NADK2: variants seen among roughly 807,000 people sequenced by gnomAD.
NADK2 encodes the protein NAD kinase 2, mitochondrial, also known as NAD kinase domain-containing protein 1, mitochondrial.
In NADK2, 35 loss-of-function variants were observed where a neutral mutation model predicts 62.1. The ratio of observed to expected loss-of-function variants is 0.56; its 90% CI spans 0.43 to 0.75. NADK2 has a LOEUF of 0.75. NADK2 is among the 30% of genes least tolerant of loss of function. The pLI is 0.00. For synonymous variants in NADK2, 205 were observed against 207.9 expected, an observed-to-expected ratio of 0.99 and a Z score of 0.12; for missense variants, 439 against 561.3, an observed-to-expected ratio of 0.78 and a Z score of 2.20.
In NADK2 at chr5:36,197,510, A is replaced by G. The variant is rs199882697; in HGVS notation, c.1190+31T>C. ...GCTTTGTAACAATGAAAGGGATGAA[A>G]ACAGTCAGAAGTCAGATTGAGGATG... is the stretch of plus-strand genomic sequence containing the variant. On this transcript the variant is annotated intron_variant, in intron 11 of 11. Coordinates refer to ENST00000381937, the MANE Select transcript of NADK2 (RefSeq NM_001085411.3). 7.0e-5 allele frequency: 113 copies of G among 1,611,524 alleles called. No individual in the cohort carries two copies. The East Asian group carries it at 2.5e-3, about 35-fold the overall frequency.
intron 6 of NADK2, among the ~76,000 whole-genome samples, chr5:36,214,405 C>G (rs926666186): frequency 6.6e-6 from 1 of 152,186 alleles, no homozygotes; most frequent in Non-Finnish European, 1.5e-5. Context: ...GTCTCAAACT[C>G]CTGACCTCAG....
chr5:36,227,986 T>C (rs1747546883), intron 1 of NADK2, among the ~76,000 whole-genome samples: 2 of 152,068 alleles, frequency 1.3e-5, no homozygotes, highest in South Asian at 4.2e-4. Flanking sequence ...TTTAACACAC[T>C]GCATATGGCT....
intron 1 of NADK2, among the ~76,000 whole-genome samples, chr5:36,240,746 T>C (rs377630898): frequency 1.3e-5 from 2 of 152,218 alleles, no homozygotes; most frequent in Non-Finnish European, 1.5e-5. Context: ...ATTGTGGAGA[T>C]ACTGCTGCAC....
intron 2 of NADK2, 50 bp downstream of exon 2, chr5:36,227,427 G>A: frequency 1.1e-6 from 1 of 881,536 alleles, no homozygotes; most frequent in East Asian, 3.3e-5. Context: ...AATAAAAACT[G>A]GAAGTCCTGA....
At chr5:36,233,688 A>C (rs552581212) in intron 1 of NADK2, among the ~76,000 whole-genome samples, 2 of 152,234 alleles carry the variant, frequency 1.3e-5, no homozygotes, top group South Asian at 4.2e-4. Flanking sequence ...TGTTTTTATA[A>C]AACATACAAG....
chr5:36,228,877 T>C (rs10051604), intron 1 of NADK2, among the ~76,000 whole-genome samples: 141,608 of 151,582 alleles, frequency 0.93, 66,557 homozygotes, highest in Non-Finnish European at 0.98. Context: ...CCACACACCT[T>C]GCTTCCAAAA....
chr5:36,241,853 T>C lies in NADK2; in HGVS notation c.-55A>G, dbSNP rs74717771. The stretch of plus-strand genomic sequence containing the variant: ...GCTCGGGCCCCTTGCCTCAGCTCCC[T>C]ACCGCCGGGAGTGCGCGCCGTCCGC... On this transcript the variant is annotated 5_prime_UTR_variant, in exon 1 of 12. Transcript: ENST00000381937. The surrounding 1 kb of genome is among the most constrained non-coding windows in gnomAD (Gnocchi z 4.9). 0.41 allele frequency: 495,076 copies of C among 1,204,700 alleles called. 104,410 individuals are homozygous for C. Among genetic ancestry groups the C allele is most frequent in the South Asian group, 0.67 (25,679 of 38,144 alleles). 74.6% of individuals were successfully genotyped at this position (1,204,700 alleles called of 1,614,324 possible). A position where few individuals can be genotyped will look rare whatever the true frequency, so the allele number is the denominator to read the frequency against.
chr5:36,200,081 T>G (rs562895104), intron 10 of NADK2, 146 bp downstream of exon 10: 1 of 410,898 alleles, frequency 2.4e-6, no homozygotes, highest in South Asian at 8.2e-5. Flanking sequence ...ATCTTTATGT[T>G]GCTTAAAGAC....
chr5:36,206,039 A>C (rs1746621915), intron 8 of NADK2, among the ~76,000 whole-genome samples: 1 of 152,074 alleles, frequency 6.6e-6, no homozygotes, highest in Non-Finnish European at 1.5e-5. Context: ...AAAATATCTC[A>C]AGGACAGAAA....
chr5:36,236,043 G>C (rs1747897078), intron 1 of NADK2, among the ~76,000 whole-genome samples: 1 of 151,904 alleles, frequency 6.6e-6, no homozygotes. Flanking sequence ...GTTGAGAAGA[G>C]ATTAATGTGC....
At chr5:36,200,993 A>C (rs192246662) in intron 9 of NADK2, 113 bp downstream of exon 9, 134 of 783,192 alleles carry the variant, frequency 1.7e-4, no homozygotes, top group Non-Finnish European at 2.6e-4. Flanking sequence ...AAAGAAATTA[A>C]TGCATAGTAT....
At chr5:36,208,927 A>G (rs1399307911) in intron 7 of NADK2, among the ~76,000 whole-genome samples, 2 of 152,052 alleles carry the variant, frequency 1.3e-5, no homozygotes, top group African/African-American at 2.4e-5. Flanking sequence ...TAGTTATTTG[A>G]ACTCTCCAAA....
chr5:36,199,097 T>C (rs1746345185), intron 10 of NADK2, among the ~76,000 whole-genome samples: 1 of 151,878 alleles, frequency 6.6e-6, no homozygotes, highest in Non-Finnish European at 1.5e-5. Flanking sequence ...ATATACCTAA[T>C]GCTAAATGAC....
At chr5:36,224,568 A>AAG (rs1554009966) in intron 4 of NADK2, among the ~76,000 whole-genome samples, 3 of 151,922 alleles carry the variant, frequency 2.0e-5, no homozygotes, top group East Asian at 3.9e-4. Flanking sequence ...AAAAAAAAAA[A>AAG]AAAGAAAGAA....
chr5:36,236,958 G>C (rs555442144), intron 1 of NADK2, among the ~76,000 whole-genome samples: 1 of 151,118 alleles, frequency 6.6e-6, no homozygotes, highest in Admixed American at 6.6e-5. Flanking sequence ...TAGACACTGA[G>C]AGATGCAAAT....
chr5:36,197,815 A>G (rs571144319), intron 10 of NADK2, 151 bp from the exon 11 acceptor site: 9 of 568,718 alleles, frequency 1.6e-5, no homozygotes, highest in East Asian at 3.2e-5. Context: ...ATATTCCATT[A>G]AAACACAGTA....
Position 36,209,381 on chromosome 5 carries a change from C to A in NADK2, c.861-2116G>T, listed in dbSNP as rs77369295. 0.012 allele frequency among the ~76,000 whole-genome samples: 1,850 copies of A among 152,136 alleles called. 154 individuals are homozygous for A. In the East Asian group the frequency reaches 0.21, roughly 17 times the overall value. On this transcript the variant is annotated intron_variant, in intron 7 of 11. Transcript: ENST00000381937. Reference sequence around the variant, plus strand: ...AAGTTATTTAATTTTTTAGTAAGTACAAAATTATAAAGCAAAGCTAGCTCT... The same window carrying A: ...AAGTTATTTAATTTTTTAGTAAGTAAAAAATTATAAAGCAAAGCTAGCTCT...
intron 1 of NADK2, among the ~76,000 whole-genome samples, chr5:36,239,279 A>C (rs1748021231): frequency 6.6e-6 from 1 of 152,240 alleles, no homozygotes; most frequent in Non-Finnish European, 1.5e-5. Flanking sequence ...ACAGCTTCAC[A>C]CAGCCCAGTA....
Position 36,219,680 on chromosome 5 carries a change from C to A in NADK2, c.561-1G>T. The A allele has an allele frequency of 6.2e-7, 1 of 1,611,194 alleles. No homozygotes were observed. On this transcript the variant is annotated splice_acceptor_variant, in intron 4 of 11. Coordinates refer to ENST00000381937, the MANE Select transcript of NADK2 (RefSeq NM_001085411.3). LOFTEE classifies it high-confidence loss of function. ...GGGCAGGCATAAATGACCCTCAGACCTATATTTTAACAGGAATTTTTTGGT... is the reference window on the plus strand; with the variant it reads ...GGGCAGGCATAAATGACCCTCAGACATATATTTTAACAGGAATTTTTTGGT...
Sources: gnomAD v4.1 joint callset for allele counts (sites outside exome capture counted in the v4.1 genomes callset) on GRCh38, gnomAD v4.1.1 for gene constraint, Gnocchi (gnomAD v3.1) non-coding constraint, MANE v1.5 for transcripts, NCBI Gene and HGNC (gene_info 2026-07-23, HGNC 2026-07-21) for gene names.